POGK: variants seen among roughly 807,000 people sequenced by gnomAD.
The protein encoded by POGK is pogo transposable element with KRAB domain.
In POGK, 16 loss-of-function variants were observed where a neutral mutation model predicts 54.4. That is an observed-to-expected ratio of 0.29 (90% CI 0.20 to 0.45). The LOEUF is 0.45. POGK is among the 20% of genes least tolerant of loss of function. POGK has a pLI of 1.00. For missense variants in POGK, 515 were observed against 795.6 expected (o/e 0.65, Z 4.24); for synonymous variants, 271 against 302.2 (o/e 0.90, Z 1.07).
At chr1:166,850,603 G>C (rs1658022641) in intron 5 of POGK, 180 bp downstream of exon 5, 3 of 618,714 alleles carry the variant, frequency 4.8e-6, no homozygotes, top group Non-Finnish European at 8.0e-6. Context: ...GTCAGGAACT[G>C]GGCTGCACAG....
At chr1:166,844,565 A>G (rs535663159) in intron 2 of POGK, among the ~76,000 whole-genome samples, 2 of 152,204 alleles carry the variant, frequency 1.3e-5, no homozygotes, top group African/African-American at 2.4e-5. Flanking sequence ...GTTTGGTTTT[A>G]TGACAGATAA....
At chr1:166,846,559 G>A (rs1647258843) in intron 2 of POGK, 53 bp from the exon 3 acceptor site, 1 of 1,609,824 alleles carries the variant, frequency 6.2e-7, no homozygotes, top group African/African-American at 1.3e-5. Flanking sequence ...CGCTCTGAAA[G>A]TCTGTCTGCA....
chr1:166,846,652 A>C lies in POGK; in HGVS notation c.173A>C (p.Asp58Ala). The C allele has an allele frequency of 6.2e-7, 1 of 1,614,098 alleles. No homozygotes were observed. Among genetic ancestry groups the C allele is most frequent in the Non-Finnish European group, 8.5e-7 (1 of 1,180,018 alleles). The change falls in exon 3 of 6, where the codon GAT becomes GCT. Residue 58 changes from aspartate to alanine, a missense_variant. Asp to Ala is a moderately radical substitution (Grantham distance 126). Around this residue, in one of 2 missense-constraint regions of POGK, gnomAD observed 461 missense variants for 743.5 expected, o/e 0.62. Transcript: ENST00000367876. ...LFDEVAIYFS[D>A]EEWEVLTEQQ... ...GATGAGGTGGCCATATATTTTTCCG[A>C]TGAGGAATGGGAAGTTTTGACGGAG... is the stretch of plus-strand genomic sequence containing the variant.
chr1:166,852,522 G>A (rs1359919100), intron 5 of POGK, 63 bp from the exon 6 acceptor site: 1 of 151,980 alleles, frequency 6.6e-6, no homozygotes, highest in Non-Finnish European at 1.5e-5. Flanking sequence ...GAATTATTAT[G>A]TTTGTTAAAA....
chr1:166,846,421 C>A (rs1657850616), intron 2 of POGK, among the ~76,000 whole-genome samples, 191 bp from the exon 3 acceptor site: 1 of 152,186 alleles, frequency 6.6e-6, no homozygotes, highest in Non-Finnish European at 1.5e-5. Context: ...CACAGAAGGA[C>A]TGTGCTCTTG....
At chr1:166,843,751 T>C (rs1657709202) in intron 2 of POGK, among the ~76,000 whole-genome samples, 1 of 152,072 alleles carries the variant, frequency 6.6e-6, no homozygotes, top group Admixed American at 6.6e-5. Flanking sequence ...CATTTACCCT[T>C]TGAGATAGCA....
chr1:166,853,485 C>T lies in POGK; in HGVS notation c.*915C>T, dbSNP rs1410266236. The T allele has an allele frequency of 2.0e-5, 3 of 152,558 alleles. No homozygotes were observed. The highest frequency in any genetic ancestry group is 7.2e-5 in the African/African-American group (3 of 41,420). 9.5% of individuals were successfully genotyped at this position (152,558 alleles called of 1,614,324 possible). ...GTTAATTTCTTTAATATTTTTATCA[C>T]GGGGCAGTGGGAGGGCTTGGGCTTT... On this transcript the variant is annotated 3_prime_UTR_variant, in exon 6 of 6. Transcript: ENST00000367876.
rs1466451447 is a variant in POGK at position 166,841,079 on chromosome 1, G to A, written c.123G>A (p.Glu41=). The A allele has an allele frequency of 6.2e-7, 1 of 1,613,786 alleles. No homozygotes were observed. Among genetic ancestry groups the A allele is most frequent in the East Asian group, 2.2e-5 (1 of 44,884 alleles). Residue 41 remains glutamate (E), a synonymous_variant, in exon 2 of 6, where the codon GAG becomes GAA. Coordinates refer to ENST00000367876, the MANE Select transcript of POGK (RefSeq NM_017542.5). ...ADMQKVRICS[E]GGWVPALFDE... ...TGCAGAAAGTACGAATCTGCTCTGA[G>A]GGCGGATGGGTAAGTAAGAAGGTGT...
Position 166,850,053 on chromosome 1 carries a change from A to G in POGK, c.1474A>G (p.Met492Val). 1 of 1,614,196 alleles carries G rather than the reference A, an allele frequency of 6.2e-7. No homozygotes were observed. The highest frequency in any genetic ancestry group is 2.2e-5 in the East Asian group (1 of 44,886). ...KNSMESMNTDMVIIPGGLTSQ... is the reference protein window; with the variant it reads ...KNSMESMNTDVVIIPGGLTSQ... ...CTCCATGGAAAGCATGAACACTGAC[A>G]TGGTGATCATCCCAGGGGGTCTGAC... is the stretch of plus-strand genomic sequence containing the variant. The change falls in exon 5 of 6, where the codon ATG (methionine) becomes GTG (valine). Residue 492 changes from methionine to valine, a missense_variant. Physicochemically the swap from Met to Val is conservative, Grantham distance 21. Coordinates refer to ENST00000367876, the MANE Select transcript of POGK (RefSeq NM_017542.5).
At chr1:166,846,206 G>C (rs1309230777) in intron 2 of POGK, among the ~76,000 whole-genome samples, 1 of 152,164 alleles carries the variant, frequency 6.6e-6, no homozygotes, top group Non-Finnish European at 1.5e-5. Flanking sequence ...GAGGGAATTG[G>C]GGGTGCTTGT....
At position 166,850,231 on chromosome 1, in the gene POGK, T is replaced by A; in HGVS notation, c.1652T>A (p.Val551Asp). 6.4e-7 allele frequency: 1 copy of A among 1,556,188 alleles called. No homozygotes were observed. The highest frequency in any genetic ancestry group is 8.7e-7 in the Non-Finnish European group (1 of 1,149,296). The change falls in exon 5 of 6, where the codon GTC (valine) becomes GAC (aspartate). Residue 551 changes from valine (V) to aspartate (D), a missense_variant. Physicochemically the swap from Val to Asp is radical, Grantham distance 152. This residue lies in a region of POGK where 461 missense variants were observed against 743.5 expected (regional missense o/e 0.62). Transcript: ENST00000367876. ...CCCCTGGGCCTCTTTCTGGAGTGGG[T>A]CATGGTCGCGTGGAATAGCATCTCA... Reference protein sequence around the residue: ...KPPLGLFLEWVMVAWNSISSE... With the variant: ...KPPLGLFLEWDMVAWNSISSE...
intron 2 of POGK, among the ~76,000 whole-genome samples, chr1:166,845,943 C>T (rs1657827876): frequency 6.6e-6 from 1 of 152,140 alleles, no homozygotes; most frequent in African/African-American, 2.4e-5. Context: ...CATCTCATTA[C>T]ATATATTAAG....
Position 166,854,200 on chromosome 1 carries a change from A to G in POGK, c.*1630A>G, listed in dbSNP as rs976885737. The G allele has an allele frequency of 2.6e-5, 4 of 152,544 alleles. No homozygotes were observed. Among genetic ancestry groups the G allele is most frequent in the Admixed American group, 6.6e-5 (1 of 15,266 alleles). The allele number at this position is 152,544 out of a possible 1,614,324, so 9.4% of individuals were successfully genotyped here. A position where few individuals can be genotyped will look rare whatever the true frequency, so the allele number is the denominator to read the frequency against. On this transcript the variant is annotated 3_prime_UTR_variant, in exon 6 of 6. Coordinates refer to ENST00000367876, the MANE Select transcript of POGK (RefSeq NM_017542.5). ...GTTCAACTCCTGTTTCGCTCCACCA[A>G]CACCTCTGTGAGTCTCATCATCAGC... is the stretch of plus-strand genomic sequence containing the variant.
At chr1:166,839,936 G>C (rs1657415946) in intron 1 of POGK, among the ~76,000 whole-genome samples, 1 of 149,508 alleles carries the variant, frequency 6.7e-6, no homozygotes, top group Non-Finnish European at 1.5e-5. Context: ...GGGGCAGGGC[G>C]GGCGGCGGCC....
At chr1:166,847,043 G>T (rs902455124) in intron 3 of POGK, among the ~76,000 whole-genome samples, 7 of 152,118 alleles carry the variant, frequency 4.6e-5, no homozygotes, top group African/African-American at 1.4e-4. Context: ...TGTTCCTTAC[G>T]AGAGAAGGCA....
At chr1:166,846,883 T>C (rs1051258730) in intron 3 of POGK, 145 bp downstream of exon 3, 1 of 1,163,208 alleles carries the variant, frequency 8.6e-7, no homozygotes, top group African/African-American at 1.5e-5. Flanking sequence ...ATTCCAATTT[T>C]TGATTTGGGC....
Position 166,854,293 on chromosome 1 carries a change from G to T in POGK, c.*1723G>T, listed in dbSNP as rs1430842939. 10 of 152,550 alleles carry T rather than the reference G, an allele frequency of 6.6e-5. No individual in the cohort carries two copies. Among genetic ancestry groups the T allele is most frequent in the African/African-American group, 2.4e-4 (10 of 41,414 alleles). 9.4% of individuals were successfully genotyped at this position (152,550 alleles called of 1,614,324 possible). A position where few individuals can be genotyped will look rare whatever the true frequency, so the allele number is the denominator to read the frequency against. On this transcript the variant is annotated 3_prime_UTR_variant, in exon 6 of 6. Coordinates refer to ENST00000367876, the MANE Select transcript of POGK (RefSeq NM_017542.5). ...CTAGAGTAACGGCTCTGCTGCCAGGGTTTCTCTGGGCTCATTCTTCCACTG... is the reference window on the plus strand; with the variant it reads ...CTAGAGTAACGGCTCTGCTGCCAGGTTTTCTCTGGGCTCATTCTTCCACTG...
At chr1:166,850,458 C>A (rs1340182528) in intron 5 of POGK, 35 bp downstream of exon 5, 2 of 1,536,904 alleles carry the variant, frequency 1.3e-6, no homozygotes, top group Non-Finnish European at 1.7e-6. Flanking sequence ...AGTGCCTTTG[C>A]TGACATGTCT....
rs1657895055 is a variant in POGK, at chr1:166,847,496, T to C, written c.262T>C (p.Phe88Leu). 2.5e-6 allele frequency: 4 copies of C among 1,613,088 alleles called. No homozygotes were observed. The highest frequency in any genetic ancestry group is 3.4e-6 in the Non-Finnish European group (4 of 1,179,178). Residue 88 changes from phenylalanine to leucine, a missense_variant and splice_region_variant, in exon 4 of 6, where the codon TTC becomes CTC. By Grantham distance (22) the Phe-to-Leu change is conservative. Transcript: ENST00000367876. ...MNYETVLSLEFPFPKPDMITR... is the reference protein window; with the variant it reads ...MNYETVLSLELPFPKPDMITR... ...CCTATTTTATTTCCTATAAACAGAA[T>C]TCCCATTCCCTAAGCCAGACATGAT...
Sources: allele counts gnomAD v4.1 joint callset (sites outside exome capture counted in the v4.1 genomes callset), GRCh38; gene constraint gnomAD v4.1.1; regional missense constraint gnomAD v4.1.1; transcripts MANE v1.5; gene names NCBI Gene and HGNC (gene_info 2026-07-23, HGNC 2026-07-21).